The following TNNI3 variants were observed in gnomAD, a reference collection of about 807,000 sequenced individuals.
The protein encoded by TNNI3 is troponin I, cardiac muscle.
In TNNI3, 23 loss-of-function variants were observed where a neutral mutation model predicts 31.5. The ratio of observed to expected loss-of-function variants is 0.73; its 90% CI spans 0.52 to 1.03. The LOEUF is 1.03. TNNI3 is among the 50% of genes least tolerant of loss of function. The pLI is 0.00. For missense variants in TNNI3, 236 were observed against 282.9 expected, an observed-to-expected ratio of 0.83 and a Z score of 1.19; for synonymous variants, 120 against 111.7, an observed-to-expected ratio of 1.07 and a Z score of -0.47.
chr19:55,156,520 CACCTA>C lies in TNNI3; in HGVS notation c.150+78_150+82del. 1 of 1,535,250 alleles carries C rather than the reference CACCTA, an allele frequency of 6.5e-7. No individual in the cohort carries two copies. ...CGGCCAAACCCCGCCCACTTCCGCC[CACCTA>C]CCCCGAAAGCCCCACCCATTCTCAA... On this transcript the variant is annotated intron_variant, in intron 4 of 7. Coordinates refer to ENST00000344887, the MANE Select transcript of TNNI3 (RefSeq NM_000363.5). The surrounding 1 kb of genome is among the most constrained non-coding windows in gnomAD (Gnocchi z 4.6).
Position 55,157,143 on chromosome 19 carries a change from G to C in TNNI3, c.25-10C>G. 6.3e-7 allele frequency: 1 copy of C among 1,595,382 alleles called. No homozygotes were observed. Among genetic ancestry groups the C allele is most frequent in the Non-Finnish European group, 8.5e-7 (1 of 1,172,918 alleles). ...GGCGAGGTTCCCTAGCCTGGGTTAG[G>C]AGGAGTGGGGACCCCATCACCACCA... On this transcript the variant is annotated splice_polypyrimidine_tract_variant and intron_variant, in intron 2 of 7. Coordinates refer to ENST00000344887, the MANE Select transcript of TNNI3 (RefSeq NM_000363.5). The surrounding 1 kb of genome is among the most constrained non-coding windows in gnomAD (Gnocchi z 6.3).
rs568485928 is a variant in TNNI3 at position 55,152,697 on chromosome 19, C to T, written c.550-780G>A. On this transcript the variant is annotated intron_variant, in intron 7 of 7. Coordinates refer to ENST00000344887, the MANE Select transcript of TNNI3 (RefSeq NM_000363.5). This position sits in a 1 kb window ranked among gnomAD's most constrained non-coding sequence, Gnocchi z 4.0. ...CTGGAGTGCAGTCGTGCAATCTCGG[C>T]TCACTGCAGCCTCAACTTCCTGGGC... 5.6e-4 allele frequency among the ~76,000 whole-genome samples: 86 copies of T among 152,352 alleles called. No homozygotes were observed. Among genetic ancestry groups the T allele is most frequent in the African/African-American group, 2.0e-3 (83 of 41,578 alleles).
chr19:55,156,371 CT>C lies in TNNI3; in HGVS notation c.151-40del, dbSNP rs1568859242. The stretch of plus-strand genomic sequence containing the variant: ...GGAGGGAAGCGCAGCCCACCCGGGG[CT>C]TCAGGATAAAGACCAGGCGTGGGGA... On this transcript the variant is annotated intron_variant, in intron 4 of 7. Transcript: ENST00000344887. This position sits in a 1 kb window ranked among gnomAD's most constrained non-coding sequence, Gnocchi z 4.6. 2.5e-6 allele frequency: 4 copies of C among 1,594,316 alleles called. No individual in the cohort carries two copies. The highest frequency in any genetic ancestry group is 1.7e-6 in the Non-Finnish European group (2 of 1,171,134).
rs183206332 is a variant in TNNI3, at chr19:55,153,892, C to T, written c.549+138G>A. 111 of 919,664 alleles carry T rather than the reference C, an allele frequency of 1.2e-4. No individual in the cohort carries two copies. The African/African-American group carries it at 1.7e-3, about 14-fold the overall frequency. The allele number at this position is 919,664 out of a possible 1,614,324, so 57.0% of individuals were successfully genotyped here. On this transcript the variant is annotated intron_variant, in intron 7 of 7. Transcript: ENST00000344887. ...GTCTTCCCCTTCTACTTCCTGTCTT[C>T]CTCTTGCATTTCTGAGGACCCCTTA... is the stretch of plus-strand genomic sequence containing the variant.
Position 55,156,106 on chromosome 19 carries a change from C to G in TNNI3, c.282+95G>C. 6.3e-7 allele frequency: 1 copy of G among 1,586,760 alleles called. No individual in the cohort carries two copies. Among genetic ancestry groups the G allele is most frequent in the Non-Finnish European group, 8.6e-7 (1 of 1,157,898 alleles). ...ACCATATATAATTGGGTAAGGACAG[C>G]CATATTGGACGCCTGGGTCCCGAGC... On this transcript the variant is annotated intron_variant, in intron 5 of 7. Coordinates refer to ENST00000344887, the MANE Select transcript of TNNI3 (RefSeq NM_000363.5). The surrounding 1 kb of genome is among the most constrained non-coding windows in gnomAD (Gnocchi z 4.6).
chr19:55,155,073 G>A (rs1471172965), intron 5 of TNNI3, among the ~76,000 whole-genome samples: 2 of 112,336 alleles, frequency 1.8e-5, no homozygotes, highest in Admixed American at 8.9e-5. Context: ...TGAGGGCCTC[G>A]ATTCCAGGGT....
Position 55,154,791 on chromosome 19 carries a change from C to T in TNNI3, c.322G>A (p.Asp108Asn), listed in dbSNP as rs766958196. The T allele has an allele frequency of 5.6e-6, 9 of 1,614,250 alleles. No individual in the cohort carries two copies. Among genetic ancestry groups the T allele is most frequent in the Non-Finnish European group, 7.6e-6 (9 of 1,180,038 alleles). The change falls in exon 6 of 8, where the codon GAT becomes AAT. Residue 108 changes from aspartate (D) to asparagine (N), a missense_variant. Physicochemically the swap from Asp to Asn is conservative, Grantham distance 23. Coordinates refer to ENST00000344887, the MANE Select transcript of TNNI3 (RefSeq NM_000363.5). ...RQLHARVDKV[D>N]EERYDIEAKV... ...GCCTCTATGTCGTATCTCTCTTCATCCACCTTGTCCACACGGGCGTGGAGC... is the reference window on the plus strand; with the variant it reads ...GCCTCTATGTCGTATCTCTCTTCATTCACCTTGTCCACACGGGCGTGGAGC...
In TNNI3 at chr19:55,157,304, T is replaced by G; in HGVS notation, c.16A>C (p.Ser6Arg). The G allele has an allele frequency of 6.2e-7, 1 of 1,613,098 alleles. No individual in the cohort carries two copies. Among genetic ancestry groups the G allele is most frequent in the Non-Finnish European group, 8.5e-7 (1 of 1,179,780 alleles). Residue 6 changes from serine to arginine, a missense_variant, in exon 2 of 8, where the codon AGC becomes CGC. Physicochemically the swap from Ser to Arg is moderately radical, Grantham distance 110 (BLOSUM62 -1). Coordinates refer to ENST00000344887, the MANE Select transcript of TNNI3 (RefSeq NM_000363.5). The surrounding 1 kb of genome is among the most constrained non-coding windows in gnomAD (Gnocchi z 6.3). Reference sequence around the variant, plus strand: ...TAGCCCGCTGCTCTCACCGCATCGCTGCTCCTGGAAGGAGAGAAACCAAGG... The same window carrying G: ...TAGCCCGCTGCTCTCACCGCATCGCGGCTCCTGGAAGGAGAGAAACCAAGG... MADGS[S>R]DAAREPRPAP...
chr19:55,157,138 G>A lies in TNNI3; in HGVS notation c.25-5C>T. The stretch of plus-strand genomic sequence containing the variant: ...TGCAGGGCGAGGTTCCCTAGCCTGG[G>A]TTAGGAGGAGTGGGGACCCCATCAC... On this transcript the variant is annotated splice_polypyrimidine_tract_variant and splice_region_variant and intron_variant, in intron 2 of 7. Transcript: ENST00000344887. This position sits in a 1 kb window ranked among gnomAD's most constrained non-coding sequence, Gnocchi z 6.3. The A allele has an allele frequency of 6.3e-7, 1 of 1,598,410 alleles. No homozygotes were observed.
In TNNI3 at chr19:55,151,857, G is replaced by A. The variant is rs727504243; in HGVS notation, c.610C>T (p.Arg204Cys). The change falls in exon 8 of 8, where the codon CGC (arginine) becomes TGC (cysteine). Residue 204 changes from arginine to cysteine, a missense_variant. By Grantham distance (180) the Arg-to-Cys change is radical. Around this residue, in one of 4 missense-constraint regions of TNNI3, gnomAD observed 28 missense variants for 36.2 expected, o/e 0.77. Transcript: ENST00000344887. ...NIDALSGMEGRKKKFES is the reference protein window; with the variant it reads ...NIDALSGMEGCKKKFES The stretch of plus-strand genomic sequence containing the variant: ...GCTCAGCTCTCAAACTTTTTCTTGC[G>A]GCCCTCCATTCCACTCAGTGCATCG... 1 of 1,613,974 alleles carries A rather than the reference G, an allele frequency of 6.2e-7. No homozygotes were observed. The highest frequency in any genetic ancestry group is 1.3e-5 in the African/African-American group (1 of 74,912).
At chr19:55,154,873 C>A (rs1363571197) in intron 5 of TNNI3, 43 bp from the exon 6 acceptor site, 2 of 1,577,550 alleles carry the variant, frequency 1.3e-6, no homozygotes, top group Admixed American at 1.7e-5. Context: ...GAACCAAAAA[C>A]AGGGAGACCT....
rs181036338 is a variant in TNNI3 at position 55,157,666 on chromosome 19, G to A, written c.-77C>T. On this transcript the variant is annotated 5_prime_UTR_variant, in exon 1 of 8. Transcript: ENST00000344887. This position sits in a 1 kb window ranked among gnomAD's most constrained non-coding sequence, Gnocchi z 6.3. ...TGGAGGGTCAGTGAGGGGGCCGCCCGGGTGACCTTCAGGGTCCCAGGGACC... is the reference window on the plus strand; with the variant it reads ...TGGAGGGTCAGTGAGGGGGCCGCCCAGGTGACCTTCAGGGTCCCAGGGACC... 11 of 1,578,682 alleles carry A rather than the reference G, an allele frequency of 7.0e-6. No individual in the cohort carries two copies. The highest frequency in any genetic ancestry group is 4.5e-5 in the South Asian group (4 of 89,482).
At chr19:55,155,026 TGGGGGCCTGG>T (rs1599909895) in intron 5 of TNNI3, among the ~76,000 whole-genome samples, 196 bp from the exon 6 acceptor site, 1 of 67,026 alleles carries the variant, frequency 1.5e-5, no homozygotes, top group East Asian at 4.5e-4. Flanking sequence ...GAGAAGGGGC[TGGGGGCCTGG>T]ACTCCTGGGT....
In TNNI3 at chr19:55,152,639, T is replaced by C. The variant is rs1179968841; in HGVS notation, c.550-722A>G. On this transcript the variant is annotated intron_variant, in intron 7 of 7. Transcript: ENST00000344887. The surrounding 1 kb of genome is among the most constrained non-coding windows in gnomAD (Gnocchi z 4.0). ...AATTGTTCTATTTTATTATTATTAT[T>C]ATTTGAGACAGGGTCTGGCTGCCTC... 6.6e-6 allele frequency among the ~76,000 whole-genome samples: 1 copy of C among 152,192 alleles called. No individual in the cohort carries two copies. The highest frequency in any genetic ancestry group is 1.5e-5 in the Non-Finnish European group (1 of 68,032).
At chr19:55,154,315 G>A in intron 6 of TNNI3, 109 bp from the exon 7 acceptor site, 2 of 1,206,954 alleles carry the variant, frequency 1.7e-6, no homozygotes. Context: ...CAGTACCGAG[G>A]CCTTACCAGT....
At position 55,157,443 on chromosome 19, in the gene TNNI3, G is replaced by A; in HGVS notation, c.12-135C>T. 1 of 1,576,116 alleles carries A rather than the reference G, an allele frequency of 6.3e-7. No individual in the cohort carries two copies. The highest frequency in any genetic ancestry group is 8.7e-7 in the Non-Finnish European group (1 of 1,150,258). The stretch of plus-strand genomic sequence containing the variant: ...TCCTTGGGTTCCAGGAGTCTGACTC[G>A]CAAACCCACTTCCTCTCTTCACCCA... On this transcript the variant is annotated intron_variant, in intron 1 of 7. Transcript: ENST00000344887. The surrounding 1 kb of genome is among the most constrained non-coding windows in gnomAD (Gnocchi z 6.3).
Position 55,157,199 on chromosome 19 carries a change from C to T in TNNI3, c.25-66G>A. 1 of 1,593,764 alleles carries T rather than the reference C, an allele frequency of 6.3e-7. No homozygotes were observed. Among genetic ancestry groups the T allele is most frequent in the South Asian group, 1.1e-5 (1 of 88,132 alleles). The stretch of plus-strand genomic sequence containing the variant: ...CCACCCAGCCCTTACCGTACCGCAC[C>T]CTCTGCTAGGGCTGCAGCCTCCCGC... On this transcript the variant is annotated intron_variant, in intron 2 of 7. Transcript: ENST00000344887. This position sits in a 1 kb window ranked among gnomAD's most constrained non-coding sequence, Gnocchi z 6.3.
In TNNI3 at chr19:55,154,605, C is replaced by T. The variant is rs1024353590; in HGVS notation, c.372+136G>A. 7.6e-6 allele frequency: 6 copies of T among 788,932 alleles called. No homozygotes were observed. The African/African-American group carries it at 8.5e-5, about 11-fold the overall frequency. The allele number at this position is 788,932 out of a possible 1,614,324, so 48.9% of individuals were successfully genotyped here. Reference sequence around the variant, plus strand: ...CTATATTGTACTCATCCTTCTGCCCCAGCCCTGCCAGGCTCACAGTTGTCC... The same window carrying T: ...CTATATTGTACTCATCCTTCTGCCCTAGCCCTGCCAGGCTCACAGTTGTCC... On this transcript the variant is annotated intron_variant, in intron 6 of 7. Coordinates refer to ENST00000344887, the MANE Select transcript of TNNI3 (RefSeq NM_000363.5).
Position 55,152,362 on chromosome 19 carries a change from A to G in TNNI3, c.550-445T>C, listed in dbSNP as rs923697128. Among the ~76,000 whole-genome samples, 9 of 152,126 alleles carry G rather than the reference A, an allele frequency of 5.9e-5. No homozygotes were observed. The highest frequency in any genetic ancestry group is 2.2e-4 in the African/African-American group (9 of 41,390). Reference sequence around the variant, plus strand: ...CTGCAATTTTACTTTGTGTGGTTTCAGTTACCTGAGGTAAACCATGGCCCA... The same window carrying G: ...CTGCAATTTTACTTTGTGTGGTTTCGGTTACCTGAGGTAAACCATGGCCCA... On this transcript the variant is annotated intron_variant, in intron 7 of 7. Transcript: ENST00000344887. This position sits in a 1 kb window ranked among gnomAD's most constrained non-coding sequence, Gnocchi z 4.0.
Sources: gnomAD v4.1 joint callset for allele counts (sites outside exome capture counted in the v4.1 genomes callset) on GRCh38, gnomAD v4.1.1 for gene constraint, gnomAD v4.1.1 regional missense constraint, Gnocchi (gnomAD v3.1) non-coding constraint, MANE v1.5 for transcripts, NCBI Gene and HGNC (gene_info 2026-07-23, HGNC 2026-07-21) for gene names.